TRIM38: variants seen among roughly 807,000 people sequenced by gnomAD.
TRIM38 encodes tripartite motif containing 38.
TRIM38 carries 35 observed loss-of-function variants against 35.8 expected under a neutral mutation model. The observed-to-expected ratio is 0.98, with a 90% CI of 0.75 to 1.30. The LOEUF (loss-of-function observed/expected upper bound fraction) is 1.30, where lower values mean the gene tolerates loss of function less well. TRIM38 is among the 50% of genes most tolerant of loss of function. The probability of loss-of-function intolerance (pLI) is 0.00; values close to 1 mark genes in which losing one functional copy is unlikely to be tolerated. For synonymous variants in TRIM38, 198 were observed against 204.7 expected (o/e 0.97, Z 0.28); for missense variants, 545 against 556.9 (o/e 0.98, Z 0.21).
At chr6:25,976,633 TTTG>T (rs1356470068) in intron 7 of TRIM38, among the ~76,000 whole-genome samples, 4 of 152,204 alleles carry the variant, frequency 2.6e-5, no homozygotes, top group Non-Finnish European at 5.9e-5. Context: ...GTTGGGTTTT[TTTG>T]TTGTTGTTGC....
At chr6:25,973,124 A>G (rs1301027853) in intron 6 of TRIM38, 48 bp downstream of exon 6, 2 of 1,614,116 alleles carry the variant, frequency 1.2e-6, no homozygotes, top group African/African-American at 2.7e-5. Context: ...GTATATAGAA[A>G]TGAATGGAAT....
At position 25,972,247 on chromosome 6, in the gene TRIM38, C is replaced by T. The variant is rs547026824; in HGVS notation, c.738+148C>T. On this transcript the variant is annotated intron_variant, in intron 5 of 7. Transcript: ENST00000357085. ...TGGCCTTCACTAATTTATAGGGTACCTTTATGTCAATTAGAAAAATAAACT... is the reference window on the plus strand; with the variant it reads ...TGGCCTTCACTAATTTATAGGGTACTTTTATGTCAATTAGAAAAATAAACT... The T allele has an allele frequency of 5.0e-4, 351 of 705,514 alleles. 1 individual carries two copies. Among genetic ancestry groups the T allele is most frequent in the Middle Eastern group, 2.4e-3 (9 of 3,746 alleles). The allele number at this position is 705,514 out of a possible 1,614,324, so 43.7% of individuals were successfully genotyped here.
intron 2 of TRIM38, among the ~76,000 whole-genome samples, chr6:25,963,989 G>A (rs1759937011): frequency 6.6e-6 from 1 of 151,972 alleles, no homozygotes; most frequent in African/African-American, 2.4e-5. Flanking sequence ...CTTTGTGGGG[G>A]ATGGGGGGGG....
rs1427444249 is a variant in TRIM38, at chr6:25,989,050, T to A, written c.*5363T>A. On this transcript the variant is annotated 3_prime_UTR_variant, in exon 8 of 8. Coordinates refer to ENST00000357085, the MANE Select transcript of TRIM38 (RefSeq NM_006355.5). The stretch of plus-strand genomic sequence containing the variant: ...ATGAACAAGTTACTATTGCTACATA[T>A]CTTTGCAACCTTTGGTGCTGACAGT... 6.6e-6 allele frequency: 1 copy of A among 152,232 alleles called. No homozygotes were observed. The highest frequency in any genetic ancestry group is 1.5e-5 in the Non-Finnish European group (1 of 68,044). 9.4% of individuals were successfully genotyped at this position (152,232 alleles called of 1,614,324 possible).
intron 7 of TRIM38, among the ~76,000 whole-genome samples, chr6:25,979,561 C>T (rs562706973): frequency 6.6e-6 from 1 of 151,806 alleles, no homozygotes; most frequent in Admixed American, 6.6e-5. Flanking sequence ...GTATTCATTC[C>T]ATTTGTGCCT....
At position 25,987,627 on chromosome 6, in the gene TRIM38, C is replaced by G. The variant is rs1273590155; in HGVS notation, c.*3940C>G. 6.6e-6 allele frequency: 1 copy of G among 152,082 alleles called. No individual in the cohort carries two copies. Among genetic ancestry groups the G allele is most frequent in the African/African-American group, 2.4e-5 (1 of 41,396 alleles). 9.4% of individuals were successfully genotyped at this position (152,082 alleles called of 1,614,324 possible). On this transcript the variant is annotated 3_prime_UTR_variant, in exon 8 of 8. Coordinates refer to ENST00000357085, the MANE Select transcript of TRIM38 (RefSeq NM_006355.5). ...ACTGTAACTATTGAAGCAAAAATGT[C>G]CCCCCACCATAGACATCCAGCACCA... is the stretch of plus-strand genomic sequence containing the variant.
At chr6:25,977,110 C>T (rs1452543303) in intron 7 of TRIM38, among the ~76,000 whole-genome samples, 1 of 152,140 alleles carries the variant, frequency 6.6e-6, no homozygotes, top group Non-Finnish European at 1.5e-5. Context: ...GCATTTTCAT[C>T]CTGTTTTTTG....
chr6:25,982,528 G>A (rs375819038), intron 7 of TRIM38, among the ~76,000 whole-genome samples: 4 of 152,142 alleles, frequency 2.6e-5, no homozygotes, highest in African/African-American at 4.8e-5. Flanking sequence ...TGACCCCGCC[G>A]GACTTTGTAG....
chr6:25,984,818 A>G lies in TRIM38; in HGVS notation c.*1131A>G, dbSNP rs1760668067. 6.6e-6 allele frequency: 1 copy of G among 152,232 alleles called. No individual in the cohort carries two copies. Among genetic ancestry groups the G allele is most frequent in the African/African-American group, 2.4e-5 (1 of 41,444 alleles). 9.4% of individuals were successfully genotyped at this position (152,232 alleles called of 1,614,324 possible). Reference sequence around the variant, plus strand: ...GCTTGAGCCTGCAGCAGCTGCAGTAAGCCAAGATCATGCTGTGCCTCAAGG... The same window carrying G: ...GCTTGAGCCTGCAGCAGCTGCAGTAGGCCAAGATCATGCTGTGCCTCAAGG... On this transcript the variant is annotated 3_prime_UTR_variant, in exon 8 of 8. Transcript: ENST00000357085.
intron 2 of TRIM38, among the ~76,000 whole-genome samples, chr6:25,965,745 C>T (rs1760014155): frequency 6.7e-6 from 1 of 149,042 alleles, no homozygotes; most frequent in Non-Finnish European, 1.5e-5. Context: ...TGGTGAAACC[C>T]CATCTCTACT....
chr6:25,982,420 T>C (rs759490048), intron 7 of TRIM38, among the ~76,000 whole-genome samples: 9 of 152,196 alleles, frequency 5.9e-5, no homozygotes, highest in Non-Finnish European at 2.9e-5. Context: ...CAATAAATAG[T>C]GTGGGCTCCC....
At chr6:25,967,550 T>G (rs1377584604) in intron 3 of TRIM38, among the ~76,000 whole-genome samples, 1 of 19,076 alleles carries the variant, frequency 5.2e-5, no homozygotes, top group Non-Finnish European at 1.0e-4. Context: ...TTTTTTTTTT[T>G]CCTGAGGTAG....
Position 25,989,275 on chromosome 6 carries a change from T to C in TRIM38, c.*5588T>C, listed in dbSNP as rs1417618924. On this transcript the variant is annotated 3_prime_UTR_variant, in exon 8 of 8. Coordinates refer to ENST00000357085, the MANE Select transcript of TRIM38 (RefSeq NM_006355.5). ...ACTGTTGAGTTTTAAGTATTCTTTG[T>C]ATATTCTAAAAATATTGTTCTTCAT... is the stretch of plus-strand genomic sequence containing the variant. 2.0e-5 allele frequency: 3 copies of C among 152,232 alleles called. No individual in the cohort carries two copies. The highest frequency in any genetic ancestry group is 7.2e-5 in the African/African-American group (3 of 41,466). 9.4% of individuals were successfully genotyped at this position (152,232 alleles called of 1,614,324 possible). A position where few individuals can be genotyped will look rare whatever the true frequency, so the allele number is the denominator to read the frequency against.
At chr6:25,967,229 C>G (rs1387028479) in intron 3 of TRIM38, among the ~76,000 whole-genome samples, 1 of 152,120 alleles carries the variant, frequency 6.6e-6, no homozygotes, top group Non-Finnish European at 1.5e-5. Flanking sequence ...TTGTTTCACA[C>G]CATGAATATC....
rs763330856 is a variant in TRIM38 at position 25,986,030 on chromosome 6, G to A, written c.*2343G>A. 4 of 152,136 alleles carry A rather than the reference G, an allele frequency of 2.6e-5. No individual in the cohort carries two copies. Among genetic ancestry groups the A allele is most frequent in the Non-Finnish European group, 5.9e-5 (4 of 68,022 alleles). 9.4% of individuals were successfully genotyped at this position (152,136 alleles called of 1,614,324 possible). On this transcript the variant is annotated 3_prime_UTR_variant, in exon 8 of 8. Coordinates refer to ENST00000357085, the MANE Select transcript of TRIM38 (RefSeq NM_006355.5). ...AAGTTATGGAAAGAATATAAGTCCT[G>A]CTAGATAAATCATTAGCTATTTTAA...
Position 25,971,952 on chromosome 6 carries a change from T to C in TRIM38, c.591T>C (p.Tyr197=), listed in dbSNP as rs751491662. ...QCFLHEEEKS[Y]LWRLEKEEQQ... is the part of the protein sequence containing the mutation. ...TCCTACATGAGGAAGAGAAGTCTTA[T>C]CTCTGGAGGCTGGAGAAAGAAGAAC... The change falls in exon 5 of 8, where the codon TAT becomes TAC. Residue 197 remains tyrosine, a synonymous_variant. Transcript: ENST00000357085. 1.2e-6 allele frequency: 2 copies of C among 1,614,168 alleles called. No individual in the cohort carries two copies. Among genetic ancestry groups the C allele is most frequent in the South Asian group, 2.2e-5 (2 of 91,084 alleles).
intron 3 of TRIM38, among the ~76,000 whole-genome samples, chr6:25,967,524 CTTTTTTT>C (rs34579913): frequency 1.1e-5 from 1 of 90,894 alleles, no homozygotes; most frequent in South Asian, 3.5e-4. Flanking sequence ...GGTACCTCTA[CTTTTTTT>C]TTTTTTTTTT....
intron 4 of TRIM38, 47 bp downstream of exon 4, chr6:25,969,467 C>A: frequency 2.0e-6 from 3 of 1,506,064 alleles, no homozygotes; most frequent in Non-Finnish European, 2.7e-6. Flanking sequence ...CATTCTAGAG[C>A]TTAGGCATAG....
intron 7 of TRIM38, among the ~76,000 whole-genome samples, chr6:25,980,834 A>C (rs1256216817): frequency 1.3e-5 from 2 of 152,132 alleles, no homozygotes; most frequent in African/African-American, 4.8e-5. Flanking sequence ...GTTTTTGTTG[A>C]TGTGTCACAC....
Sources: gnomAD v4.1 joint callset for allele counts (sites outside exome capture counted in the v4.1 genomes callset) on GRCh38, gnomAD v4.1.1 for gene constraint, MANE v1.5 for transcripts, NCBI Gene and HGNC (gene_info 2026-07-23, HGNC 2026-07-21) for gene names.